Variants in CLASP1 observed in about 807,000 individuals in gnomAD.
CLASP1 encodes CLIP-associating protein 1.
A neutral mutation model predicts 192.3 loss-of-function variants in CLASP1; 38 were observed. That is an observed-to-expected ratio of 0.20 (90% CI 0.15 to 0.26). The LOEUF (loss-of-function observed/expected upper bound fraction) is 0.26. Among genes scored for constraint, CLASP1 ranks in the 10% least tolerant of loss-of-function variants. The pLI is 1.00. For synonymous variants in CLASP1, 691 were observed against 712.8 expected, an observed-to-expected ratio of 0.97 and a Z score of 0.49; for missense variants, 1,433 against 1,932.5, an observed-to-expected ratio of 0.74 and a Z score of 4.85.
At chr2:121,529,290 C>T (rs2094681497) in intron 3 of CLASP1, among the ~76,000 whole-genome samples, 1 of 152,198 alleles carries the variant, frequency 6.6e-6, no homozygotes, top group South Asian at 2.1e-4. Context: ...ACCCTCCCAC[C>T]AGTGGTCCAA....
chr2:121,431,113 C>A (rs1302756887), intron 19 of CLASP1, among the ~76,000 whole-genome samples: 1 of 151,976 alleles, frequency 6.6e-6, no homozygotes, highest in African/African-American at 2.4e-5. Flanking sequence ...TCACTTCTAC[C>A]CCCACAAGCG....
At chr2:121,593,384 C>T (rs1245031823) in intron 2 of CLASP1, among the ~76,000 whole-genome samples, 2 of 152,082 alleles carry the variant, frequency 1.3e-5, no homozygotes, top group Admixed American at 6.5e-5. Context: ...CTTAGGGAGG[C>T]CCAGGCGGGT....
chr2:121,529,637 T>C (rs181527203), intron 3 of CLASP1, among the ~76,000 whole-genome samples: 2 of 152,368 alleles, frequency 1.3e-5, no homozygotes, highest in East Asian at 3.9e-4. Context: ...TTTAAATCTA[T>C]GAAATCTGTG....
At chr2:121,372,410 T>C (rs896804535) in intron 34 of CLASP1, among the ~76,000 whole-genome samples, 14 of 152,214 alleles carry the variant, frequency 9.2e-5, no homozygotes, top group Non-Finnish European at 1.8e-4. Flanking sequence ...TTAGTTATCT[T>C]CAAGCAACTA....
chr2:121,425,030 C>T (rs753852024), intron 22 of CLASP1, 109 bp downstream of exon 22: 6 of 1,142,104 alleles, frequency 5.3e-6, no homozygotes, highest in Non-Finnish European at 7.5e-6. Flanking sequence ...GTGACATCCT[C>T]AGTTCAAAAA....
At chr2:121,383,878 CTTT>C (rs2072395230) in intron 32 of CLASP1, among the ~76,000 whole-genome samples, 2 of 151,326 alleles carry the variant, frequency 1.3e-5, no homozygotes, top group Non-Finnish European at 2.9e-5. Flanking sequence ...GAAGTTTATT[CTTT>C]CACACAGAAA....
intron 24 of CLASP1, 51 bp downstream of exon 25, chr2:121,410,815 T>C (rs2077590923): frequency 9.1e-7 from 1 of 1,097,600 alleles, no homozygotes; most frequent in South Asian, 1.5e-5. Context: ...CAGAGAGAAA[T>C]GCAGATGAGT....
chr2:121,578,021 C>A (rs960242466), intron 2 of CLASP1, among the ~76,000 whole-genome samples: 1 of 152,166 alleles, frequency 6.6e-6, no homozygotes, highest in Non-Finnish European at 1.5e-5. Context: ...CAACCTCTCC[C>A]TTCTGGGCTC....
At chr2:121,461,770 T>A (rs780218387) in intron 10 of CLASP1, among the ~76,000 whole-genome samples, 2 of 152,028 alleles carry the variant, frequency 1.3e-5, no homozygotes, top group Non-Finnish European at 2.9e-5. Context: ...AAACTCCACC[T>A]CCCGGGTTCA....
At chr2:121,448,297 T>C in exon 18 of CLASP1, 2 of 1,613,574 alleles carry the variant, frequency 1.2e-6, no homozygotes, top group Non-Finnish European at 1.7e-6. Flanking sequence ...GTACTTCCAG[T>C]AGGACTTCTT....
intron 37 of CLASP1, 44 bp downstream of exon 38, chr2:121,363,128 C>T (rs1425916237): frequency 6.2e-7 from 1 of 1,609,972 alleles, no homozygotes. Flanking sequence ...AACTGCTCCT[C>T]ATGACCCGTC....
In CLASP1 at chr2:121,515,646, G is replaced by A. The variant is rs751450934; in HGVS notation, c.644+19C>T. 2.5e-6 allele frequency: 4 copies of A among 1,604,842 alleles called. No homozygotes were observed. The highest frequency in any genetic ancestry group is 3.4e-6 in the Non-Finnish European group (4 of 1,171,926). The stretch of plus-strand genomic sequence containing the variant: ...GGGGGGTTGGGTAGAGCAGAAGAAA[G>A]GAAAAAATCTGCACTCACCGGGACT... On this transcript the variant is annotated intron_variant, in intron 7 of 39. Transcript: ENST00000263710.
At chr2:121,484,391 G>C (rs146706051) in intron 8 of CLASP1, among the ~76,000 whole-genome samples, 9 of 152,248 alleles carry the variant, frequency 5.9e-5, no homozygotes, top group African/African-American at 1.7e-4. Context: ...TTATGCCAAA[G>C]ACAACCATTG....
intron 6 of CLASP1, among the ~76,000 whole-genome samples, chr2:121,524,708 T>TG (rs1441171085): frequency 6.6e-6 from 1 of 152,180 alleles, no homozygotes; most frequent in East Asian, 1.9e-4. Context: ...CCACCCACCT[T>TG]GGCCTCCTAA....
At chr2:121,366,557 G>A (rs1488337490) in intron 35 of CLASP1, among the ~76,000 whole-genome samples, 1 of 152,184 alleles carries the variant, frequency 6.6e-6, no homozygotes, top group African/African-American at 2.4e-5. Flanking sequence ...TCTGGTACTA[G>A]TGTGACCACT....
Position 121,367,785 on chromosome 2 carries a change from C to T in CLASP1, c.3689G>A (p.Gly1230Glu), listed in dbSNP as rs201624831. 94 of 1,613,906 alleles carry T rather than the reference C, an allele frequency of 5.8e-5. No homozygotes were observed. In the African/African-American group the frequency reaches 1.1e-3, roughly 19 times the overall value. The stretch of plus-strand genomic sequence containing the variant: ...CCGGCCTCCTTCTACTTCACTACCC[C>T]CCCGGCCCTCAGTGGCAGGGGAGGC... Residue 1230 changes from glycine to glutamate, a missense_variant, in exon 35 of 40, where the codon GGG (glycine) becomes GAG (glutamate). Physicochemically the swap from Gly to Glu is moderately conservative, Grantham distance 98. Transcript: ENST00000263710.
intron 2 of CLASP1, chr2:121,530,565 G>T: frequency 1.8e-6 from 1 of 541,258 alleles, no homozygotes; most frequent in Non-Finnish European, 3.3e-6. Context: ...GCAATACAGC[G>T]TAGCCAAACC....
rs546822858 is a variant in CLASP1, at chr2:121,452,922, T to TC, written c.1386-1074dup. On this transcript the variant is annotated intron_variant, in intron 14 of 39. Transcript: ENST00000263710. The stretch of plus-strand genomic sequence containing the variant: ...GCACAAATCAGAAGTAAAATCTTTC[T>TC]CTAAAGAAATGACCAGACTTTCTTT... 5.9e-5 allele frequency among the ~76,000 whole-genome samples: 9 copies of TC among 152,378 alleles called. No homozygotes were observed. In the South Asian group the frequency reaches 1.9e-3, roughly 32 times the overall value.
intron 19 of CLASP1, among the ~76,000 whole-genome samples, chr2:121,435,733 T>TA (rs1258394688): frequency 6.6e-6 from 1 of 152,230 alleles, no homozygotes; most frequent in African/African-American, 2.4e-5. Flanking sequence ...TTAGAGGAGA[T>TA]ACAGTAATTT....
Sources: allele counts gnomAD v4.1 joint callset (sites outside exome capture counted in the v4.1 genomes callset), GRCh38; gene constraint gnomAD v4.1.1; transcripts MANE v1.5; gene names NCBI Gene and HGNC (gene_info 2026-07-23, HGNC 2026-07-21).